Variants in RPTOR observed in about 807,000 individuals in gnomAD.
RPTOR encodes regulatory associated protein of MTOR complex 1, also known as regulatory-associated protein of mTOR.
RPTOR carries 21 observed loss-of-function variants against 169.9 expected under a neutral mutation model. The ratio of observed to expected loss-of-function variants is 0.12; its 90% confidence interval spans 0.09 to 0.18. RPTOR has a LOEUF of 0.18. Ranked by LOEUF, RPTOR falls within the 10% of genes least tolerant of loss-of-function variation. The pLI, the probability that RPTOR is intolerant of heterozygous loss-of-function variation, is 1.00. For synonymous variants in RPTOR, 732 were observed against 753.2 expected, an observed-to-expected ratio of 0.97 and a Z score of 0.46; for missense variants, 1,133 against 1,855.9, an observed-to-expected ratio of 0.61 and a Z score of 7.16.
At chr17:80,738,531 G>A (rs1218546391) in intron 5 of RPTOR, among the ~76,000 whole-genome samples, 1 of 18,178 alleles carries the variant, frequency 5.5e-5, no homozygotes, top group East Asian at 7.7e-4. Context: ...TCACAGACAC[G>A]TGTCATTAGC....
At chr17:80,604,166 A>G (rs1050583657) in intron 1 of RPTOR, among the ~76,000 whole-genome samples, 3 of 152,232 alleles carry the variant, frequency 2.0e-5, no homozygotes, top group African/African-American at 7.2e-5. Flanking sequence ...ACCACTTTCA[A>G]TCAGCTATTT....
intron 1 of RPTOR, among the ~76,000 whole-genome samples, chr17:80,606,826 G>A (rs1342593740): frequency 6.6e-6 from 1 of 152,024 alleles, no homozygotes; most frequent in Non-Finnish European, 1.5e-5. Context: ...CTTTTTGGGG[G>A]TGTGAGTATC....
intron 1 of RPTOR, among the ~76,000 whole-genome samples, chr17:80,579,527 A>G (rs979539863): frequency 2.0e-5 from 3 of 152,164 alleles, no homozygotes; most frequent in Non-Finnish European, 2.9e-5. Context: ...TTTTGCCACA[A>G]CAACACTTCA....
At chr17:80,587,779 T>G (rs574126991) in intron 1 of RPTOR, among the ~76,000 whole-genome samples, 1 of 152,288 alleles carries the variant, frequency 6.6e-6, no homozygotes, top group East Asian at 1.9e-4. Context: ...TGTATCTTTT[T>G]TTTTTTTGGT....
intron 3 of RPTOR, among the ~76,000 whole-genome samples, chr17:80,685,893 C>A (rs2065943515): frequency 6.6e-6 from 1 of 151,592 alleles, no homozygotes; most frequent in Non-Finnish European, 1.5e-5. Context: ...TATTTCTCCT[C>A]ATCAGGTGGG....
intron 1 of RPTOR, among the ~76,000 whole-genome samples, chr17:80,604,533 G>A (rs553175655): frequency 1.3e-5 from 2 of 152,204 alleles, no homozygotes; most frequent in African/African-American, 4.8e-5. Flanking sequence ...TGACGATGCT[G>A]TCCCTGTTGG....
At chr17:80,930,916 C>T (rs1384821387) in intron 24 of RPTOR, among the ~76,000 whole-genome samples, 1 of 152,250 alleles carries the variant, frequency 6.6e-6, no homozygotes, top group African/African-American at 2.4e-5. Context: ...TGGTAAATTA[C>T]TGCTGAGTGT....
At chr17:80,731,956 T>C (rs1014211396) in intron 5 of RPTOR, among the ~76,000 whole-genome samples, 1 of 152,220 alleles carries the variant, frequency 6.6e-6, no homozygotes, top group African/African-American at 2.4e-5. Flanking sequence ...GGTTTATCCA[T>C]GAAAAAGGAT....
rs796752198 is a variant in RPTOR, at chr17:80,744,091, C to T, written c.655-9919C>T. Among the ~76,000 whole-genome samples, 183 of 87,694 alleles carry T rather than the reference C, an allele frequency of 2.1e-3. 2 individuals are homozygous for T. Among genetic ancestry groups the T allele is most frequent in the Middle Eastern group, 6.6e-3 (1 of 152 alleles). 57.5% of individuals were successfully genotyped at this position (87,694 alleles called of 152,430 possible). On this transcript the variant is annotated intron_variant, in intron 5 of 33. Coordinates refer to ENST00000306801, the MANE Select transcript of RPTOR (RefSeq NM_020761.3). ...AGCACTGTCCTGGTTACGAGCACAG[C>T]CCTGGTTACTAGCACAGCCCTGGTT...
At chr17:80,653,346 C>G (rs1418930509) in intron 3 of RPTOR, among the ~76,000 whole-genome samples, 1 of 152,152 alleles carries the variant, frequency 6.6e-6, no homozygotes, top group Admixed American at 6.5e-5. Flanking sequence ...AGTTGGAGAC[C>G]AGCCTGGGCA....
At chr17:80,847,492 C>G (rs1332235353) in intron 11 of RPTOR, among the ~76,000 whole-genome samples, 1 of 149,224 alleles carries the variant, frequency 6.7e-6, no homozygotes, top group Non-Finnish European at 1.5e-5. Context: ...GGTCTAAGAA[C>G]TCACTTTAAA....
chr17:80,682,591 G>A (rs865781308), intron 3 of RPTOR, among the ~76,000 whole-genome samples: 2 of 152,226 alleles, frequency 1.3e-5, no homozygotes, highest in African/African-American at 2.4e-5. Context: ...GCGTGCCCAC[G>A]GCCACCAGAA....
At chr17:80,798,222 C>T (rs760546545) in intron 7 of RPTOR, among the ~76,000 whole-genome samples, 1 of 152,174 alleles carries the variant, frequency 6.6e-6, no homozygotes, top group Non-Finnish European at 1.5e-5. Context: ...AACCCTGTAA[C>T]CAACTTCCCT....
intron 29 of RPTOR, among the ~76,000 whole-genome samples, chr17:80,958,072 GT>G (rs56820334): frequency 1.4e-3 from 203 of 147,606 alleles, no homozygotes; most frequent in African/African-American, 2.0e-3. Flanking sequence ...ATTTGGAGGC[GT>G]TTTTTTTTTT....
chr17:80,578,680 G>A lies in RPTOR; in HGVS notation c.162+32889G>A, dbSNP rs146795315. 4.9e-3 allele frequency among the ~76,000 whole-genome samples: 750 copies of A among 152,310 alleles called. 2 individuals carry two copies. The highest frequency in any genetic ancestry group is 7.2e-3 in the Non-Finnish European group (493 of 68,026). ...AACCTTGACTGAGACGGTAACTACA[G>A]GAGGCAGGTGCTGCTGCTAGGGCTG... On this transcript the variant is annotated intron_variant, in intron 1 of 33. Coordinates refer to ENST00000306801, the MANE Select transcript of RPTOR (RefSeq NM_020761.3).
In RPTOR at chr17:80,946,603, C is replaced by T. The variant is rs1037422165; in HGVS notation, c.3141-624C>T. Among the ~76,000 whole-genome samples, 5 of 152,238 alleles carry T rather than the reference C, an allele frequency of 3.3e-5. No individual in the cohort carries two copies. In the East Asian group the frequency reaches 5.8e-4, roughly 18 times the overall value. ...TTTGGCCCTTTGTGCCTGGCTTATT[C>T]GGCTCAGCGCAGTGTCTTTAAGGTT... On this transcript the variant is annotated intron_variant, in intron 26 of 33. Transcript: ENST00000306801.
intron 1 of RPTOR, among the ~76,000 whole-genome samples, chr17:80,594,240 C>T (rs775816861): frequency 2.6e-5 from 4 of 152,024 alleles, no homozygotes; most frequent in Admixed American, 6.6e-5. Context: ...ATTAGAGGTG[C>T]GTGCCACCAT....
chr17:80,897,997 G>T (rs1051870904), intron 20 of RPTOR, among the ~76,000 whole-genome samples: 4 of 152,262 alleles, frequency 2.6e-5, no homozygotes, highest in Middle Eastern at 3.4e-3. Context: ...CCTGTCCTCG[G>T]GGGCAATTTT....
chr17:80,631,226 T>C (rs897990736), intron 2 of RPTOR, among the ~76,000 whole-genome samples: 1 of 152,128 alleles, frequency 6.6e-6, no homozygotes, highest in Non-Finnish European at 1.5e-5. Context: ...GTGCCTGTTC[T>C]TGTGGACTGA....
Sources: allele counts gnomAD v4.1 joint callset (sites outside exome capture counted in the v4.1 genomes callset), GRCh38; gene constraint gnomAD v4.1.1; transcripts MANE v1.5; gene names NCBI Gene and HGNC (gene_info 2026-07-23, HGNC 2026-07-21).